PLA2G4E: variants seen among roughly 807,000 people sequenced by gnomAD.
PLA2G4E encodes cytosolic phospholipase A2 epsilon.
In PLA2G4E, 84 loss-of-function variants were observed where a neutral mutation model predicts 109.1. The ratio of observed to expected loss-of-function variants is 0.77; its 90% CI spans 0.65 to 0.92. The LOEUF (loss-of-function observed/expected upper bound fraction) is 0.92, where lower values mean the gene tolerates loss of function less well. PLA2G4E is among the 40% of genes least tolerant of loss of function. PLA2G4E has a pLI of 0.00. For missense variants in PLA2G4E, 1,057 were observed against 1,076.6 expected (o/e 0.98, Z 0.25); for synonymous variants, 469 against 436.1 (o/e 1.08, Z -0.94).
intron 14 of PLA2G4E, 138 bp from the exon 15 acceptor site, chr15:41,989,690 C>T (rs2068211079): frequency 2.1e-5 from 25 of 1,182,798 alleles, no homozygotes; most frequent in Non-Finnish European, 2.8e-5. Context: ...CCCCAAAGGA[C>T]ACATGGGGGC....
At chr15:42,038,618 C>T (rs1889259637) in intron 1 of PLA2G4E, among the ~76,000 whole-genome samples, 1 of 152,236 alleles carries the variant, frequency 6.6e-6, no homozygotes, top group African/African-American at 2.4e-5. Flanking sequence ...CTGCTGCTCA[C>T]CTCCTGCTGT....
rs573294853 is a variant in PLA2G4E at position 42,006,230 on chromosome 15, G to T, written c.394-109C>A. 14 of 1,403,006 alleles carry T rather than the reference G, an allele frequency of 1.0e-5. No homozygotes were observed. The South Asian group carries it at 1.9e-4, about 19-fold the overall frequency. The allele number at this position is 1,403,006 out of a possible 1,614,324, so 86.9% of individuals were successfully genotyped here. On this transcript the variant is annotated intron_variant, in intron 3 of 19. Transcript: ENST00000399518. ...GCAAGGAGGTAGGTCTGGGGGATGG[G>T]AGACAGCCCAGAAGTCCCTGCTCAG...
At chr15:42,005,917 G>C in intron 4 of PLA2G4E, 73 bp downstream of exon 4, 1 of 1,532,740 alleles carries the variant, frequency 6.5e-7, no homozygotes, top group East Asian at 2.3e-5. Flanking sequence ...CTGGGGAATG[G>C]CTTTGTGGGA....
intron 1 of PLA2G4E, among the ~76,000 whole-genome samples, chr15:42,018,226 A>T: frequency 6.6e-6 from 1 of 152,354 alleles, no homozygotes; most frequent in East Asian, 1.9e-4. Flanking sequence ...GAGGTAATTA[A>T]TCTACAGTGG....
chr15:42,000,348 G>A lies in PLA2G4E; in HGVS notation c.674-66C>T. 3 of 1,426,776 alleles carry A rather than the reference G, an allele frequency of 2.1e-6. No individual in the cohort carries two copies. In the South Asian group the frequency reaches 4.2e-5, roughly 20 times the overall value. 88.4% of individuals were successfully genotyped at this position (1,426,776 alleles called of 1,614,324 possible). A position where few individuals can be genotyped will look rare whatever the true frequency, so the allele number is the denominator to read the frequency against. On this transcript the variant is annotated intron_variant, in intron 7 of 19. Transcript: ENST00000399518. ...CACTACCCACCTGCAACTTGGTCCA[G>A]CAAAAAACCTATTTGGAGGTATCCA... is the stretch of plus-strand genomic sequence containing the variant.
intron 3 of PLA2G4E, 105 bp from the exon 4 acceptor site, chr15:42,006,226 A>T (rs536728412): frequency 2.1e-6 from 3 of 1,430,956 alleles, no homozygotes; most frequent in South Asian, 2.7e-5. Context: ...GGTCTGGGGG[A>T]TGGGAGACAG....
At chr15:42,045,182 T>C (rs1463902847) in intron 1 of PLA2G4E, among the ~76,000 whole-genome samples, 1 of 151,970 alleles carries the variant, frequency 6.6e-6, no homozygotes, top group African/African-American at 2.4e-5. Context: ...GGGCAAGGTT[T>C]GGAAAGGTGG....
intron 1 of PLA2G4E, among the ~76,000 whole-genome samples, chr15:42,033,472 G>A (rs913597343): frequency 6.6e-6 from 1 of 151,378 alleles, no homozygotes; most frequent in Non-Finnish European, 1.5e-5. Flanking sequence ...TCTGGGAGGG[G>A]CCCTGCCCAG....
At chr15:42,011,693 G>T (rs1023263079) in intron 2 of PLA2G4E, among the ~76,000 whole-genome samples, 4 of 152,060 alleles carry the variant, frequency 2.6e-5, no homozygotes, top group Admixed American at 2.0e-4. Flanking sequence ...TTGAGCCACT[G>T]CACTCCAGCC....
At position 42,002,802 on chromosome 15, in the gene PLA2G4E, T is replaced by C; in HGVS notation, c.567-106A>G. The C allele has an allele frequency of 4.6e-6, 5 of 1,078,330 alleles. No homozygotes were observed. In the South Asian group the frequency reaches 6.8e-5, roughly 15 times the overall value. The allele number at this position is 1,078,330 out of a possible 1,614,324, so 66.8% of individuals were successfully genotyped here. On this transcript the variant is annotated intron_variant, in intron 5 of 19. Coordinates refer to ENST00000399518, the Ensembl canonical transcript of PLA2G4E. ...GGGTCAATAACAAAATATCAGAGCC[T>C]TCTTTGTTCTCATAAAAAATACTAG...
intron 11 of PLA2G4E, among the ~76,000 whole-genome samples, chr15:41,996,297 G>A (rs2068337317): frequency 7.0e-6 from 1 of 142,520 alleles, no homozygotes; most frequent in Non-Finnish European, 1.5e-5. Flanking sequence ...GCAGTGAGCT[G>A]TGATGGTGCC....
intron 1 of PLA2G4E, among the ~76,000 whole-genome samples, chr15:42,031,791 A>G (rs1167930244): frequency 3.3e-5 from 5 of 152,192 alleles, no homozygotes; most frequent in Non-Finnish European, 7.4e-5. Context: ...TCAGCCCTGC[A>G]GTAATTGAGC....
At chr15:42,020,741 A>G (rs2068640529) in intron 1 of PLA2G4E, among the ~76,000 whole-genome samples, 194 bp downstream of exon 1, 2 of 152,150 alleles carry the variant, frequency 1.3e-5, no homozygotes, top group Non-Finnish European at 2.9e-5. Context: ...CCCTGGCCCC[A>G]ACTGGGATAA....
chr15:41,988,409 C>G (rs2068185921), intron 15 of PLA2G4E, among the ~76,000 whole-genome samples: 1 of 152,110 alleles, frequency 6.6e-6, no homozygotes, highest in Admixed American at 6.6e-5. Context: ...AGGCACAGCC[C>G]CGGCAGGGAT....
At chr15:42,010,325 T>A in intron 2 of PLA2G4E, 1 of 340,340 alleles carries the variant, frequency 2.9e-6, no homozygotes, top group South Asian at 3.0e-5. Context: ...AATTCTCCGA[T>A]AAAGCCCATT....
At chr15:41,983,849 C>G in exon 20 of PLA2G4E, 1 of 1,612,906 alleles carries the variant, frequency 6.2e-7, no homozygotes, top group South Asian at 1.1e-5. Context: ...ATGTTATACT[C>G]TGAGAGTTTC....
Position 42,002,700 on chromosome 15 carries a change from A to AGG in PLA2G4E, c.567-5_567-4insCC. 6.3e-7 allele frequency: 1 copy of AGG among 1,575,986 alleles called. No individual in the cohort carries two copies. Among genetic ancestry groups the AGG allele is most frequent in the Non-Finnish European group, 8.6e-7 (1 of 1,160,382 alleles). ...GAGGGTCTCAGGTGGAGAGGGACTG[A>AGG]AAAACAAAAGGAGAACTCCTGGTCA... On this transcript the variant is annotated splice_polypyrimidine_tract_variant and splice_region_variant and intron_variant, in intron 5 of 19. Transcript: ENST00000399518.
At chr15:42,001,740 G>A (rs2068422076) in intron 6 of PLA2G4E, among the ~76,000 whole-genome samples, 1 of 152,142 alleles carries the variant, frequency 6.6e-6, no homozygotes, top group South Asian at 2.1e-4. Flanking sequence ...CACCCAGGCT[G>A]GAGTGCAGTG....
In PLA2G4E at chr15:42,000,151, G is replaced by A. The variant is rs1343312783; in HGVS notation, c.805C>T (p.Gln269Ter). The A allele has an allele frequency of 6.3e-6, 10 of 1,594,638 alleles. No homozygotes were observed. Among genetic ancestry groups the A allele is most frequent in the Non-Finnish European group, 8.5e-6 (10 of 1,170,392 alleles). Reference sequence around the variant, plus strand: ...GGCACTTCCACGTGCACCTGGGACTGGAAGTACTTGGGGTAGTGGAAGCAG... The same window carrying A: ...GGCACTTCCACGTGCACCTGGGACTAGAAGTACTTGGGGTAGTGGAAGCAG... The change falls in exon 8 of 20, where the codon CAG becomes TAG. Residue 269 changes from glutamine (Q) to a stop codon, truncating the protein, a stop_gained. Transcript: ENST00000399518. LOFTEE classifies it high-confidence loss of function.
Sources: allele counts gnomAD v4.1 joint callset (sites outside exome capture counted in the v4.1 genomes callset), GRCh38; gene constraint gnomAD v4.1.1; transcripts MANE v1.5; gene names NCBI Gene and HGNC (gene_info 2026-07-23, HGNC 2026-07-21).